Variants in ADGRL3 observed in about 807,000 individuals in gnomAD.
The protein encoded by ADGRL3 is calcium-independent alpha-latrotoxin receptor 3.
Under a neutral mutation model 153.5 loss-of-function variants are expected in ADGRL3, and 62 were observed. The ratio of observed to expected loss-of-function variants is 0.40; its 90% CI spans 0.33 to 0.50. ADGRL3 has a LOEUF of 0.50. Among genes scored for constraint, ADGRL3 ranks in the 20% least tolerant of loss-of-function variants. The probability of loss-of-function intolerance (pLI) is 0.47; values close to 1 mark genes in which losing one functional copy is unlikely to be tolerated. For missense variants in ADGRL3, 1,641 were observed against 1,859.4 expected (o/e 0.88, Z 2.16); for synonymous variants, 710 against 672.5 (o/e 1.06, Z -0.86).
intron 4 of ADGRL3, among the ~76,000 whole-genome samples, chr4:61,525,758 CA>C (rs2098555249): frequency 6.6e-6 from 1 of 151,998 alleles, no homozygotes; most frequent in African/African-American, 2.4e-5. Context: ...AGGGAAGAAT[CA>C]AAGATGCTGA....
Position 61,907,408 on chromosome 4 carries a change from G to A in ADGRL3, c.1888-2152G>A, listed in dbSNP as rs890066259. Reference sequence around the variant, plus strand: ...CAAGTAGCTGGGACTACAGGCATGCGCCACCATGCCCAGCTAATGTTTGTA... The same window carrying A: ...CAAGTAGCTGGGACTACAGGCATGCACCACCATGCCCAGCTAATGTTTGTA... On this transcript the variant is annotated intron_variant, in intron 11 of 26. Transcript: ENST00000683033. Among the ~76,000 whole-genome samples, 3 of 151,748 alleles carry A rather than the reference G, an allele frequency of 2.0e-5. No homozygotes were observed. The South Asian group carries it at 6.2e-4, about 31-fold the overall frequency.
intron 3 of ADGRL3, among the ~76,000 whole-genome samples, chr4:61,514,193 G>A (rs1031086126): frequency 6.6e-6 from 1 of 152,146 alleles, no homozygotes; most frequent in African/African-American, 2.4e-5. Flanking sequence ...CACCTTCCTT[G>A]ACCTAAGGAA....
intron 5 of ADGRL3, among the ~76,000 whole-genome samples, chr4:61,607,238 G>A (rs565713226): frequency 1.3e-5 from 2 of 152,214 alleles, no homozygotes; most frequent in East Asian, 3.9e-4. Flanking sequence ...AACTGGTGGA[G>A]TCATGAGTCA....
At chr4:61,563,943 A>G (rs2098806073) in intron 4 of ADGRL3, among the ~76,000 whole-genome samples, 1 of 152,084 alleles carries the variant, frequency 6.6e-6, no homozygotes, top group Admixed American at 6.6e-5. Context: ...GGGGAGGCGC[A>G]GATTGCAGTG....
intron 5 of ADGRL3, among the ~76,000 whole-genome samples, chr4:61,588,728 A>G (rs768266010): frequency 2.6e-5 from 4 of 152,138 alleles, no homozygotes; most frequent in Admixed American, 6.6e-5. Flanking sequence ...ACCTCCAACT[A>G]TACTAAATGC....
intron 4 of ADGRL3, among the ~76,000 whole-genome samples, chr4:61,560,368 C>CCACTT (rs982219965): frequency 1.2e-4 from 18 of 152,162 alleles, no homozygotes; most frequent in African/African-American, 4.3e-4. Context: ...CATTTCCTTT[C>CCACTT]CACTTCAAAG....
At chr4:62,040,816 C>G (rs538655632) in intron 24 of ADGRL3, among the ~76,000 whole-genome samples, 1 of 152,024 alleles carries the variant, frequency 6.6e-6, no homozygotes, top group Non-Finnish European at 1.5e-5. Flanking sequence ...CAGGTGGCTA[C>G]TTGGATTAAA....
intron 2 of ADGRL3, among the ~76,000 whole-genome samples, chr4:61,424,195 G>A (rs1055339827): frequency 6.6e-6 from 1 of 152,110 alleles, no homozygotes; most frequent in East Asian, 1.9e-4. Context: ...TCAGAGTCAG[G>A]TGATGAGCCG....
At chr4:61,772,504 T>C (rs2097098132) in intron 8 of ADGRL3, among the ~76,000 whole-genome samples, 1 of 152,196 alleles carries the variant, frequency 6.6e-6, no homozygotes, top group African/African-American at 2.4e-5. Flanking sequence ...TTACACGACA[T>C]GAGAGACTTC....
chr4:61,515,145 CCT>C, intron 3 of ADGRL3, among the ~76,000 whole-genome samples: 1 of 152,242 alleles, frequency 6.6e-6, no homozygotes, highest in African/African-American at 2.4e-5. Flanking sequence ...ATGTTGCTTG[CCT>C]CTCTGCCTTC....
intron 17 of ADGRL3, among the ~76,000 whole-genome samples, chr4:61,978,187 C>G (rs1581718540): frequency 6.6e-6 from 1 of 152,090 alleles, no homozygotes; most frequent in African/African-American, 2.4e-5. Flanking sequence ...AAAGACAACT[C>G]CTTCTTGTCA....
chr4:61,891,026 G>A (rs1446492518), intron 9 of ADGRL3, among the ~76,000 whole-genome samples: 1 of 152,174 alleles, frequency 6.6e-6, no homozygotes, highest in East Asian at 1.9e-4. Context: ...TTTGAAATAT[G>A]TTATTGAATT....
chr4:61,648,542 T>C (rs908237920), intron 5 of ADGRL3, among the ~76,000 whole-genome samples: 1 of 151,786 alleles, frequency 6.6e-6, no homozygotes, highest in African/African-American at 2.4e-5. Context: ...TTCTGTTTCT[T>C]TTGGGGTTTT....
intron 1 of ADGRL3, among the ~76,000 whole-genome samples, chr4:61,324,647 C>CT (rs1262075520): frequency 1.3e-5 from 2 of 152,068 alleles, no homozygotes; most frequent in African/African-American, 2.4e-5. Flanking sequence ...CAATATTGCA[C>CT]TTATTAGGAC....
intron 1 of ADGRL3, among the ~76,000 whole-genome samples, chr4:61,287,158 C>T (rs1253471201): frequency 6.6e-6 from 1 of 151,740 alleles, no homozygotes; most frequent in Non-Finnish European, 1.5e-5. Flanking sequence ...TAGAAACAGT[C>T]CAAGTACACA....
intron 19 of ADGRL3, among the ~76,000 whole-genome samples, chr4:61,986,798 G>A (rs1370492070): frequency 6.6e-6 from 1 of 152,146 alleles, no homozygotes; most frequent in Non-Finnish European, 1.5e-5. Context: ...CCACACAGAA[G>A]CCTTCAGAAT....
intron 1 of ADGRL3, among the ~76,000 whole-genome samples, chr4:61,237,804 T>G (rs915836160): frequency 1.1e-4 from 17 of 152,184 alleles, no homozygotes; most frequent in African/African-American, 4.1e-4. Context: ...AACAAGTCCC[T>G]TTTAGGAGCC....
intron 2 of ADGRL3, among the ~76,000 whole-genome samples, chr4:61,403,116 A>T (rs1398157974): frequency 1.3e-5 from 2 of 151,914 alleles, no homozygotes; most frequent in African/African-American, 2.4e-5. Context: ...CACTAATCCT[A>T]CTGGGAAAAG....
intron 2 of ADGRL3, among the ~76,000 whole-genome samples, chr4:61,493,108 T>C (rs1366363334): frequency 6.6e-6 from 1 of 152,188 alleles, no homozygotes; most frequent in Admixed American, 6.5e-5. Context: ...AGAGTGGTGA[T>C]ATATATTTCT....
Sources: gnomAD v4.1 joint callset for allele counts (sites outside exome capture counted in the v4.1 genomes callset) on GRCh38, gnomAD v4.1.1 for gene constraint, MANE v1.5 for transcripts, NCBI Gene and HGNC (gene_info 2026-07-23, HGNC 2026-07-21) for gene names.